Variants in ADGRL3 observed in about 807,000 individuals in gnomAD.
ADGRL3 encodes adhesion G protein-coupled receptor L3.
A neutral mutation model predicts 153.5 loss-of-function variants in ADGRL3; 62 were observed. The observed-to-expected ratio is 0.40, with a 90% confidence interval of 0.33 to 0.50. ADGRL3 has a LOEUF of 0.50. Ranked by LOEUF, ADGRL3 falls within the 20% of genes least tolerant of loss-of-function variation. The pLI is 0.47. For missense variants in ADGRL3, 1,641 were observed against 1,859.4 expected (o/e 0.88, Z 2.16); for synonymous variants, 710 against 672.5 (o/e 1.06, Z -0.86).
intron 5 of ADGRL3, among the ~76,000 whole-genome samples, chr4:61,591,598 C>T (rs969260172): frequency 6.6e-6 from 1 of 152,010 alleles, no homozygotes; most frequent in Non-Finnish European, 1.5e-5. Flanking sequence ...ATTTTGAATA[C>T]TCTTAGAATC....
At chr4:61,743,230 G>A (rs920704843) in intron 8 of ADGRL3, among the ~76,000 whole-genome samples, 55 of 147,226 alleles carry the variant, frequency 3.7e-4, no homozygotes, top group African/African-American at 1.4e-3. Context: ...TGTGGCAGGA[G>A]AATGGTGTGA....
chr4:61,392,537 C>T (rs1578609088), intron 2 of ADGRL3, among the ~76,000 whole-genome samples: 1 of 150,884 alleles, frequency 6.6e-6, no homozygotes, highest in East Asian at 2.0e-4. Flanking sequence ...AATACAAAAA[C>T]TAGCTGGGCA....
At chr4:62,029,031 A>G in intron 22 of ADGRL3, 150 bp downstream of exon 22, 2 of 628,276 alleles carry the variant, frequency 3.2e-6, no homozygotes, top group Non-Finnish European at 2.6e-6. Context: ...CTGGCATACA[A>G]CCTATATGCA....
At chr4:61,900,879 C>G (rs1258574009) in intron 11 of ADGRL3, among the ~76,000 whole-genome samples, 1 of 152,162 alleles carries the variant, frequency 6.6e-6, no homozygotes, top group Non-Finnish European at 1.5e-5. Flanking sequence ...TGACTCAGAG[C>G]CATGCCTCCT....
intron 2 of ADGRL3, among the ~76,000 whole-genome samples, chr4:61,400,062 GGAGTACTGA>G (rs1055593871): frequency 6.6e-6 from 1 of 151,736 alleles, no homozygotes; most frequent in African/African-American, 2.4e-5. Flanking sequence ...TTTCCTTAAT[GGAGTACTGA>G]GAGTTTATTA....
chr4:61,988,505 G>T (rs2099093577), intron 19 of ADGRL3, among the ~76,000 whole-genome samples: 1 of 152,080 alleles, frequency 6.6e-6, no homozygotes, highest in Non-Finnish European at 1.5e-5. Context: ...TATAGCAAAG[G>T]CTGTCATTGA....
rs2098837889 is a variant in ADGRL3 at position 61,936,264 on chromosome 4, C to G, written c.2419+219C>G. On this transcript the variant is annotated intron_variant, in intron 15 of 26. Transcript: ENST00000683033. ...AAAATTCTCAGATTTGGAAATTGTT[C>G]CATTACTTTTCAGTTGTAAGAAACT... is the stretch of plus-strand genomic sequence containing the variant. Among the ~76,000 whole-genome samples the G allele has an allele frequency of 1.3e-5, 2 of 151,936 alleles. 1 individual carries two copies. The highest frequency in any genetic ancestry group is 4.2e-4 in the South Asian group (2 of 4,816).
At chr4:61,714,132 AAAG>A (rs1206969624) in intron 6 of ADGRL3, among the ~76,000 whole-genome samples, 7 of 152,066 alleles carry the variant, frequency 4.6e-5, no homozygotes. Context: ...AAAGTGACAA[AAAG>A]AAGCTAGTAA....
At chr4:61,747,631 GA>G (rs1371766211) in intron 8 of ADGRL3, among the ~76,000 whole-genome samples, 6 of 146,168 alleles carry the variant, frequency 4.1e-5, no homozygotes, top group Admixed American at 1.4e-4. Context: ...AATAGATGCA[GA>G]AAAGGCCTTT....
chr4:61,773,329 A>G (rs2097107836), intron 8 of ADGRL3, among the ~76,000 whole-genome samples: 1 of 152,204 alleles, frequency 6.6e-6, no homozygotes, highest in African/African-American at 2.4e-5. Context: ...TGAAATAATG[A>G]ATAAGAATTG....
At chr4:61,279,451 T>G (rs1434302265) in intron 1 of ADGRL3, among the ~76,000 whole-genome samples, 1 of 152,180 alleles carries the variant, frequency 6.6e-6, no homozygotes, top group Non-Finnish European at 1.5e-5. Flanking sequence ...ATATGAATAT[T>G]GTAACGAGAG....
chr4:61,480,469 C>CA (rs939549461), intron 2 of ADGRL3, among the ~76,000 whole-genome samples: 88 of 150,720 alleles, frequency 5.8e-4, no homozygotes, highest in South Asian at 6.3e-4. Flanking sequence ...AATTCCATAG[C>CA]AAAAAAAAAT....
intron 1 of ADGRL3, among the ~76,000 whole-genome samples, chr4:61,313,367 G>A (rs527468871): frequency 3.5e-4 from 53 of 152,242 alleles, no homozygotes; most frequent in African/African-American, 1.2e-3. Flanking sequence ...CACAAAGAGT[G>A]AGCCCTAATT....
intron 9 of ADGRL3, among the ~76,000 whole-genome samples, chr4:61,846,480 T>C (rs1261233203): frequency 3.3e-5 from 5 of 152,180 alleles, no homozygotes; most frequent in Non-Finnish European, 7.3e-5. Flanking sequence ...CTTCTGTTAA[T>C]GTTCATGCAG....
At chr4:61,874,106 A>G (rs1359296629) in intron 9 of ADGRL3, among the ~76,000 whole-genome samples, 2 of 152,164 alleles carry the variant, frequency 1.3e-5, no homozygotes, top group African/African-American at 4.8e-5. Flanking sequence ...AACAATACAC[A>G]TTTATTATTT....
intron 5 of ADGRL3, among the ~76,000 whole-genome samples, chr4:61,670,504 G>T (rs1357701396): frequency 1.3e-5 from 2 of 152,022 alleles, no homozygotes; most frequent in Non-Finnish European, 2.9e-5. Context: ...GGAAGTGAAA[G>T]AAACACCATT....
intron 1 of ADGRL3, among the ~76,000 whole-genome samples, chr4:61,225,442 A>C (rs975578761): frequency 2.6e-5 from 4 of 152,142 alleles, no homozygotes; most frequent in African/African-American, 9.7e-5. Context: ...GCCTGTCTCT[A>C]TTCTGATAGG....
intron 6 of ADGRL3, among the ~76,000 whole-genome samples, chr4:61,728,380 G>T (rs914775535): frequency 6.6e-6 from 1 of 152,062 alleles, no homozygotes; most frequent in South Asian, 2.1e-4. Context: ...TTACCAAATG[G>T]CAGTTGAGTT....
At chr4:61,289,850 G>A (rs2094103263) in intron 1 of ADGRL3, among the ~76,000 whole-genome samples, 1 of 152,064 alleles carries the variant, frequency 6.6e-6, no homozygotes, top group Non-Finnish European at 1.5e-5. Context: ...GTGACCCTGG[G>A]CCACTGGTTC....
Sources: allele counts gnomAD v4.1 joint callset (sites outside exome capture counted in the v4.1 genomes callset), GRCh38; gene constraint gnomAD v4.1.1; transcripts MANE v1.5; gene names NCBI Gene and HGNC (gene_info 2026-07-23, HGNC 2026-07-21).